Variants in UBTD1 observed in about 807,000 individuals in gnomAD.
The protein encoded by UBTD1 is ubiquitin domain containing 1.
A neutral mutation model predicts 21.7 loss-of-function variants in UBTD1; 19 were observed. The observed-to-expected ratio is 0.87, with a 90% CI of 0.61 to 1.28. The LOEUF is 1.28. Ranked by LOEUF, UBTD1 falls within the 50% of genes most tolerant of loss-of-function variation. The pLI, the probability that UBTD1 is intolerant of heterozygous loss-of-function variation, is 0.00. For missense variants in UBTD1, 282 were observed against 315.1 expected (o/e 0.89, Z 0.80); for synonymous variants, 116 against 135.1 (o/e 0.86, Z 0.98).
chr10:97,530,745 T>C (rs1012518729), intron 1 of UBTD1, among the ~76,000 whole-genome samples: 1 of 152,122 alleles, frequency 6.6e-6, no homozygotes, highest in Non-Finnish European at 1.5e-5. Context: ...CTCAGCAATA[T>C]GAATGCTAAT....
At chr10:97,526,927 T>C (rs970674258) in intron 1 of UBTD1, among the ~76,000 whole-genome samples, 6 of 149,164 alleles carry the variant, frequency 4.0e-5, no homozygotes, top group African/African-American at 1.5e-4. Flanking sequence ...ATCCCAGCAC[T>C]TTGGGAGGCT....
chr10:97,570,748 G>A lies in UBTD1; in HGVS notation c.*225G>A, dbSNP rs978813859. The A allele has an allele frequency of 2.2e-5, 12 of 558,046 alleles. No individual in the cohort carries two copies. The highest frequency in any genetic ancestry group is 3.7e-5 in the African/African-American group (2 of 53,590). 34.6% of individuals were successfully genotyped at this position (558,046 alleles called of 1,614,324 possible). On this transcript the variant is annotated 3_prime_UTR_variant, in exon 3 of 3. Coordinates refer to ENST00000370664, the MANE Select transcript of UBTD1 (RefSeq NM_024954.5). This position sits in a 1 kb window ranked among gnomAD's most constrained non-coding sequence, Gnocchi z 6.6. ...CTTGCAACCTTGTCAGAGAAAAGGC[G>A]AACAGGGCCCTCACCCTGCCTGTCT...
chr10:97,557,149 A>G (rs2040668157), intron 1 of UBTD1, among the ~76,000 whole-genome samples: 2 of 152,202 alleles, frequency 1.3e-5, no homozygotes, highest in African/African-American at 2.4e-5. Flanking sequence ...ACATGAGGTG[A>G]CTTGTAGAGA....
At chr10:97,527,812 T>G (rs2040496640) in intron 1 of UBTD1, among the ~76,000 whole-genome samples, 1 of 152,224 alleles carries the variant, frequency 6.6e-6, no homozygotes, top group Non-Finnish European at 1.5e-5. Context: ...AGAATTTTTC[T>G]TAGTACAGAA....
At chr10:97,562,373 C>T (rs2040696807) in intron 1 of UBTD1, among the ~76,000 whole-genome samples, 1 of 152,194 alleles carries the variant, frequency 6.6e-6, no homozygotes, top group African/African-American at 2.4e-5. Context: ...CACCTGGGTG[C>T]AGGCGGCCTG....
intron 1 of UBTD1, 84 bp from the exon 2 acceptor site, chr10:97,567,830 C>A: frequency 7.4e-7 from 1 of 1,351,116 alleles, no homozygotes; most frequent in Non-Finnish European, 1.0e-6. Flanking sequence ...CAGGGTCTGG[C>A]CTGGGGAGGG....
In UBTD1 at chr10:97,543,794, T is replaced by G. The variant is rs1044577476; in HGVS notation, c.71-24120T>G. ...GGAACCACAACCAGGGTGAAAATTATGTAATTATGAAAATTACGGGGTCTT... is the reference window on the plus strand; with the variant it reads ...GGAACCACAACCAGGGTGAAAATTAGGTAATTATGAAAATTACGGGGTCTT... On this transcript the variant is annotated intron_variant, in intron 1 of 2. Transcript: ENST00000370664. Among the ~76,000 whole-genome samples, 5 of 152,222 alleles carry G rather than the reference T, an allele frequency of 3.3e-5. No individual in the cohort carries two copies. The South Asian group carries it at 1.0e-3, about 31-fold the overall frequency.
chr10:97,536,896 G>A (rs551212339), intron 1 of UBTD1, among the ~76,000 whole-genome samples: 31 of 152,246 alleles, frequency 2.0e-4, no homozygotes, highest in African/African-American at 7.2e-4. Flanking sequence ...AGCTCACACA[G>A]GAGGAGGCAC....
At chr10:97,553,934 G>A (rs990872600) in intron 1 of UBTD1, among the ~76,000 whole-genome samples, 6 of 152,210 alleles carry the variant, frequency 3.9e-5, no homozygotes, top group African/African-American at 1.4e-4. Flanking sequence ...AAGCATAGAA[G>A]TGACTGCTAG....
intron 1 of UBTD1, among the ~76,000 whole-genome samples, chr10:97,554,704 C>T (rs1239676509): frequency 6.6e-6 from 1 of 152,078 alleles, no homozygotes; most frequent in Non-Finnish European, 1.5e-5. Flanking sequence ...GTGCATGCCA[C>T]CACACCTGGC....
chr10:97,502,919 A>ACG (rs2040383278), intron 1 of UBTD1, among the ~76,000 whole-genome samples: 1 of 121,614 alleles, frequency 8.2e-6, no homozygotes, highest in Non-Finnish European at 1.7e-5. Flanking sequence ...GTATATATAT[A>ACG]TTTTTTTTTT....
At chr10:97,543,945 G>A (rs1022837985) in intron 1 of UBTD1, among the ~76,000 whole-genome samples, 3 of 152,012 alleles carry the variant, frequency 2.0e-5, no homozygotes, top group African/African-American at 7.2e-5. Context: ...GCCACATCTG[G>A]ACTGTTAAGT....
At chr10:97,532,798 A>AGAAAG (rs1554865648) in intron 1 of UBTD1, among the ~76,000 whole-genome samples, 1 of 148,942 alleles carries the variant, frequency 6.7e-6, no homozygotes, top group Non-Finnish European at 1.5e-5. Flanking sequence ...CTCAAAAAAA[A>AGAAAG]AAAGAAAGAA....
chr10:97,518,463 C>T (rs1288911050), intron 1 of UBTD1, among the ~76,000 whole-genome samples: 1 of 152,350 alleles, frequency 6.6e-6, no homozygotes, highest in South Asian at 2.1e-4. Context: ...CTTCCTTTCT[C>T]CAGGAAGGCC....
chr10:97,560,960 A>G (rs984611700), intron 1 of UBTD1, among the ~76,000 whole-genome samples: 3 of 152,006 alleles, frequency 2.0e-5, no homozygotes, highest in Non-Finnish European at 4.4e-5. Flanking sequence ...ATCTAAGTCA[A>G]GTCAAAACCA....
At chr10:97,513,130 T>C (rs2040429320) in intron 1 of UBTD1, among the ~76,000 whole-genome samples, 1 of 152,244 alleles carries the variant, frequency 6.6e-6, no homozygotes, top group Admixed American at 6.5e-5. Flanking sequence ...TGGTCTGCTC[T>C]GCACAGGGGT....
At chr10:97,510,142 T>C (rs1157840403) in intron 1 of UBTD1, among the ~76,000 whole-genome samples, 1 of 151,746 alleles carries the variant, frequency 6.6e-6, no homozygotes, top group Non-Finnish European at 1.5e-5. Flanking sequence ...TTTTTGTATT[T>C]TTAGTAGAGA....
chr10:97,547,568 CTTTTCTTTT>C (rs1176912093), intron 1 of UBTD1, among the ~76,000 whole-genome samples: 1 of 152,052 alleles, frequency 6.6e-6, no homozygotes, highest in Non-Finnish European at 1.5e-5. Context: ...GTTTTCTTTT[CTTTTCTTTT>C]TTTTTGAAAC....
At chr10:97,537,661 C>T (rs2040569618) in intron 1 of UBTD1, among the ~76,000 whole-genome samples, 1 of 152,018 alleles carries the variant, frequency 6.6e-6, no homozygotes, top group Non-Finnish European at 1.5e-5. Context: ...CCACCTGGGC[C>T]CTCCCAGCCA....
Sources: gnomAD v4.1 joint callset for allele counts (sites outside exome capture counted in the v4.1 genomes callset) on GRCh38, gnomAD v4.1.1 for gene constraint, Gnocchi (gnomAD v3.1) non-coding constraint, MANE v1.5 for transcripts, NCBI Gene and HGNC (gene_info 2026-07-23, HGNC 2026-07-21) for gene names.